NELL2: variants seen among roughly 807,000 people sequenced by gnomAD.
The protein encoded by NELL2 is neural EGFL like 2, also known as protein kinase C-binding protein NELL2.
Under a neutral mutation model 109.6 loss-of-function variants are expected in NELL2, and 41 were observed. The ratio of observed to expected loss-of-function variants is 0.37; its 90% CI spans 0.29 to 0.49. NELL2 has a LOEUF of 0.49. Ranked by LOEUF, NELL2 falls within the 20% of genes least tolerant of loss-of-function variation. NELL2 has a pLI of 0.98. For missense variants in NELL2, 900 were observed against 1,008.3 expected, an observed-to-expected ratio of 0.89 and a Z score of 1.45; for synonymous variants, 355 against 344.7, an observed-to-expected ratio of 1.03 and a Z score of -0.33.
At position 44,861,985 on chromosome 12, in the gene NELL2, C is replaced by T. The variant is rs370997456; in HGVS notation, c.184+13240G>A. Among the ~76,000 whole-genome samples, 54 of 152,302 alleles carry T rather than the reference C, an allele frequency of 3.5e-4. No individual in the cohort carries two copies. The East Asian group carries it at 7.3e-3, about 21-fold the overall frequency. On this transcript the variant is annotated intron_variant, in intron 2 of 19. Coordinates refer to ENST00000429094, the MANE Select transcript of NELL2 (RefSeq NM_001145108.2). ...ATAAAAAGCCAAGGAGATATAACAC[C>T]ACCAAAAGTGCACAATAATCTCCCA...
chr12:44,545,943 C>A (rs951793278), intron 15 of NELL2, among the ~76,000 whole-genome samples: 4 of 152,028 alleles, frequency 2.6e-5, no homozygotes, highest in African/African-American at 9.7e-5. Context: ...AAGAAAAAAT[C>A]TGATTTTCTT....
rs944505292 is a variant in NELL2, at chr12:44,736,819, G to A, written c.995-22078C>T. Among the ~76,000 whole-genome samples the A allele has an allele frequency of 2.0e-5, 3 of 152,100 alleles. No homozygotes were observed. In the South Asian group the frequency reaches 6.2e-4, roughly 32 times the overall value. ...ACCTACATTTAGTCTCCCTCATGAA[G>A]TTAAAAGACAAATTATACATCGTGT... is the stretch of plus-strand genomic sequence containing the variant. On this transcript the variant is annotated intron_variant, in intron 9 of 19. Transcript: ENST00000429094.
chr12:44,555,371 T>C (rs1291425351), intron 15 of NELL2, among the ~76,000 whole-genome samples: 1 of 152,238 alleles, frequency 6.6e-6, no homozygotes, highest in African/African-American at 2.4e-5. Flanking sequence ...AGCTCTCTTT[T>C]TGAGGTCATG....
At chr12:44,759,889 G>A (rs1941050384) in intron 9 of NELL2, among the ~76,000 whole-genome samples, 1 of 152,104 alleles carries the variant, frequency 6.6e-6, no homozygotes, top group African/African-American at 2.4e-5. Context: ...TCACCCTCAG[G>A]AAAGAACTCA....
chr12:44,866,257 C>T lies in NELL2; in HGVS notation c.184+8968G>A, dbSNP rs188799118. On this transcript the variant is annotated intron_variant, in intron 2 of 19. Coordinates refer to ENST00000429094, the MANE Select transcript of NELL2 (RefSeq NM_001145108.2). ...AATCTAAGATATTTTGTTGTAGTAG[C>T]CAGACAAGATTAAAGTAGATATGAA... Among the ~76,000 whole-genome samples the T allele has an allele frequency of 1.2e-4, 18 of 152,174 alleles. No individual in the cohort carries two copies. The East Asian group carries it at 3.5e-3, about 29-fold the overall frequency.
At chr12:44,578,505 A>C (rs1457605981) in intron 15 of NELL2, among the ~76,000 whole-genome samples, 1 of 152,140 alleles carries the variant, frequency 6.6e-6, no homozygotes, top group Non-Finnish European at 1.5e-5. Flanking sequence ...CAATGAGAGT[A>C]CCACAATAAA....
chr12:44,754,084 G>A (rs955382894), intron 9 of NELL2, among the ~76,000 whole-genome samples: 1 of 152,168 alleles, frequency 6.6e-6, no homozygotes, highest in East Asian at 1.9e-4. Context: ...AGAATTAAGA[G>A]AATATTGGGA....
chr12:44,818,816 C>G lies in NELL2; in HGVS notation c.185-2680G>C, dbSNP rs576169835. Among the ~76,000 whole-genome samples, 164 of 142,066 alleles carry G rather than the reference C, an allele frequency of 1.2e-3. No homozygotes were observed. In the Middle Eastern group the frequency reaches 0.016, roughly 14 times the overall value. 93.2% of individuals were successfully genotyped at this position (142,066 alleles called of 152,430 possible). A position where few individuals can be genotyped will look rare whatever the true frequency, so the allele number is the denominator to read the frequency against. On this transcript the variant is annotated intron_variant, in intron 2 of 19. Coordinates refer to ENST00000429094, the MANE Select transcript of NELL2 (RefSeq NM_001145108.2). ...GGACTGCAGTGGCGCAATCTCGGCT[C>G]ACTGCAAGCTCCGCTTCCCGGGTTC...
intron 9 of NELL2, among the ~76,000 whole-genome samples, chr12:44,719,585 C>A (rs562995756): frequency 6.6e-6 from 1 of 151,998 alleles, no homozygotes; most frequent in South Asian, 2.1e-4. Context: ...TTATAAACAC[C>A]AAAAAGAAAG....
intron 9 of NELL2, among the ~76,000 whole-genome samples, chr12:44,739,214 T>G (rs1255497125): frequency 6.6e-6 from 1 of 152,190 alleles, no homozygotes; most frequent in Non-Finnish European, 1.5e-5. Context: ...ATAATTCGTG[T>G]GTGTGTATGT....
chr12:44,609,952 A>T (rs566167273), intron 14 of NELL2, among the ~76,000 whole-genome samples: 35 of 151,972 alleles, frequency 2.3e-4, no homozygotes, highest in African/African-American at 7.5e-4. Context: ...ATTATAAGGG[A>T]TGTAAATGTT....
intron 12 of NELL2, among the ~76,000 whole-genome samples, chr12:44,691,866 G>T (rs1047036839): frequency 2.6e-5 from 4 of 152,140 alleles, no homozygotes; most frequent in South Asian, 2.1e-4. Flanking sequence ...CAGAAGAAAA[G>T]TTTAAAGCTA....
intron 3 of NELL2, among the ~76,000 whole-genome samples, chr12:44,794,089 G>T (rs1942531345): frequency 1.3e-5 from 2 of 152,248 alleles, no homozygotes; most frequent in South Asian, 4.2e-4. Context: ...CCAAGGCTCG[G>T]CACAGCAGGA....
At chr12:44,902,974 A>G (rs1008664262) in intron 1 of NELL2, among the ~76,000 whole-genome samples, 7 of 152,350 alleles carry the variant, frequency 4.6e-5, no homozygotes, top group Non-Finnish European at 1.0e-4. Flanking sequence ...AGGCAATACC[A>G]TTCAGGACAT....
Position 44,634,381 on chromosome 12 carries a change from G to A in NELL2, c.1445-23411C>T, listed in dbSNP as rs1259247939. On this transcript the variant is annotated intron_variant, in intron 13 of 19. Coordinates refer to ENST00000429094, the MANE Select transcript of NELL2 (RefSeq NM_001145108.2). ...CATTCCTCTCCCTGTGTCCATGTGT[G>A]CTCATTGTTCAACACCCACTTATTA... Among the ~76,000 whole-genome samples, 4 of 149,698 alleles carry A rather than the reference G, an allele frequency of 2.7e-5. No individual in the cohort carries two copies. In the Admixed American group the frequency reaches 2.7e-4, roughly 10 times the overall value.
chr12:44,743,313 G>A (rs1473210408), intron 9 of NELL2, among the ~76,000 whole-genome samples: 1 of 152,116 alleles, frequency 6.6e-6, no homozygotes, highest in Non-Finnish European at 1.5e-5. Flanking sequence ...ACTAAACATG[G>A]AAAGGAACAA....
chr12:44,549,540 C>T (rs962948628), intron 15 of NELL2, among the ~76,000 whole-genome samples: 7 of 152,044 alleles, frequency 4.6e-5, no homozygotes, highest in African/African-American at 1.4e-4. Context: ...ACTTCCCTAT[C>T]TAGGAACTAG....
chr12:44,875,945 C>A lies in NELL2; in HGVS notation c.-76G>T. ...AATCGAAGAGGTTCTTGGAATCAAG[C>A]GGGAAAATAACGTTTGTCTCTCCTG... is the stretch of plus-strand genomic sequence containing the variant. On this transcript the variant is annotated 5_prime_UTR_variant, in exon 1 of 20. Coordinates refer to ENST00000429094, the MANE Select transcript of NELL2 (RefSeq NM_001145108.2). The A allele has an allele frequency of 2.5e-6, 4 of 1,604,962 alleles. No individual in the cohort carries two copies. The highest frequency in any genetic ancestry group is 3.4e-6 in the Non-Finnish European group (4 of 1,178,674).
chr12:44,581,974 C>A (rs1315019658), intron 15 of NELL2, among the ~76,000 whole-genome samples: 1 of 152,120 alleles, frequency 6.6e-6, no homozygotes, highest in African/African-American at 2.4e-5. Flanking sequence ...GAATGCCAGG[C>A]ATTCTTGAGC....
Sources: allele counts gnomAD v4.1 joint callset (sites outside exome capture counted in the v4.1 genomes callset), GRCh38; gene constraint gnomAD v4.1.1; transcripts MANE v1.5; gene names NCBI Gene and HGNC (gene_info 2026-07-23, HGNC 2026-07-21).